SPTLC2: variants seen among roughly 807,000 people sequenced by gnomAD.
The protein encoded by SPTLC2 is serine palmitoyltransferase long chain base subunit 2.
SPTLC2 carries 21 observed loss-of-function variants against 62.0 expected under a neutral mutation model. That is an observed-to-expected ratio of 0.34 (90% CI 0.24 to 0.49). The LOEUF (loss-of-function observed/expected upper bound fraction) is 0.49. Ranked by LOEUF, SPTLC2 falls within the 20% of genes least tolerant of loss-of-function variation. The pLI, the probability that SPTLC2 is intolerant of heterozygous loss-of-function variation, is 0.99. For synonymous variants in SPTLC2, 261 were observed against 261.8 expected, an observed-to-expected ratio of 1.00 and a Z score of 0.03; for missense variants, 511 against 713.0, an observed-to-expected ratio of 0.72 and a Z score of 3.23.
Position 77,552,750 on chromosome 14 carries a change from G to T in SPTLC2, c.1177-528C>A, listed in dbSNP as rs536986629. Among the ~76,000 whole-genome samples the T allele has an allele frequency of 2.0e-5, 3 of 150,634 alleles. No homozygotes were observed. In the Admixed American group the frequency reaches 2.0e-4, roughly 10 times the overall value. ...GAACCTAGGAGACGGAGGTTGCAGTGAGCTGAGATTGCGCCATTGCACTCC... is the reference window on the plus strand; with the variant it reads ...GAACCTAGGAGACGGAGGTTGCAGTTAGCTGAGATTGCGCCATTGCACTCC... On this transcript the variant is annotated intron_variant, in intron 8 of 11. Coordinates refer to ENST00000216484, the MANE Select transcript of SPTLC2 (RefSeq NM_004863.4).
chr14:77,545,385 G>C (rs1036372947), intron 9 of SPTLC2, among the ~76,000 whole-genome samples: 7 of 151,746 alleles, frequency 4.6e-5, no homozygotes, highest in Non-Finnish European at 8.8e-5. Context: ...TCCTCCATCA[G>C]CCTCCCAAGT....
In SPTLC2 at chr14:77,608,867, G is replaced by A. The variant is rs143958544; in HGVS notation, c.132+7581C>T. On this transcript the variant is annotated intron_variant, in intron 1 of 11. Coordinates refer to ENST00000216484, the MANE Select transcript of SPTLC2 (RefSeq NM_004863.4). ...TTGGAGGCGGAGGTTGCAGTGAGCC[G>A]AGATCACATCACTGCACTCCAGCCT... Among the ~76,000 whole-genome samples the A allele has an allele frequency of 4.8e-3, 726 of 150,952 alleles. 9 individuals are homozygous for A. The highest frequency in any genetic ancestry group is 0.017 in the African/African-American group (692 of 41,090).
chr14:77,551,726 T>C (rs952095169), intron 9 of SPTLC2, among the ~76,000 whole-genome samples: 1 of 152,224 alleles, frequency 6.6e-6, no homozygotes, highest in Non-Finnish European at 1.5e-5. Flanking sequence ...GGAATACTAA[T>C]TTATGAAAAC....
At chr14:77,547,014 G>A (rs958033948) in intron 9 of SPTLC2, among the ~76,000 whole-genome samples, 1 of 152,118 alleles carries the variant, frequency 6.6e-6, no homozygotes, top group African/African-American at 2.4e-5. Flanking sequence ...ACAGGCATGC[G>A]CCACCACACC....
chr14:77,550,975 C>T (rs72683265), intron 9 of SPTLC2, among the ~76,000 whole-genome samples: 3,696 of 151,714 alleles, frequency 0.024, 66 homozygotes, highest in Non-Finnish European at 0.036. Flanking sequence ...TCAGATGTGC[C>T]ACTTTATTCG....
rs577485635 is a variant in SPTLC2 at position 77,572,743 on chromosome 14, T to C, written c.632-2235A>G. 2.0e-5 allele frequency among the ~76,000 whole-genome samples: 3 copies of C among 152,386 alleles called. No individual in the cohort carries two copies. In the East Asian group the frequency reaches 5.8e-4, roughly 29 times the overall value. The stretch of plus-strand genomic sequence containing the variant: ...ACTTGCTGAAGTTATCAGCATTCAC[T>C]GCTTCACCTTGCACTTTTATGTTGT... On this transcript the variant is annotated intron_variant, in intron 4 of 11. Transcript: ENST00000216484.
intron 1 of SPTLC2, among the ~76,000 whole-genome samples, chr14:77,613,038 G>C (rs1420172370): frequency 3.3e-5 from 5 of 150,634 alleles, no homozygotes; most frequent in Non-Finnish European, 7.4e-5. Context: ...CTTTTAAAAA[G>C]AGCTGTTAAC....
At chr14:77,601,386 AC>A (rs1406265113) in intron 1 of SPTLC2, among the ~76,000 whole-genome samples, 2 of 151,998 alleles carry the variant, frequency 1.3e-5, no homozygotes, top group Non-Finnish European at 2.9e-5. Flanking sequence ...TGTGAGATCC[AC>A]CCGCTGCCTG....
At chr14:77,591,369 T>C (rs1285338118) in intron 2 of SPTLC2, among the ~76,000 whole-genome samples, 1 of 152,196 alleles carries the variant, frequency 6.6e-6, no homozygotes, top group African/African-American at 2.4e-5. Context: ...TCATGGTTTC[T>C]TTTTCAGAAG....
At chr14:77,606,483 C>T (rs2079906174) in intron 1 of SPTLC2, among the ~76,000 whole-genome samples, 1 of 151,638 alleles carries the variant, frequency 6.6e-6, no homozygotes, top group Non-Finnish European at 1.5e-5. Flanking sequence ...CTTGATCATC[C>T]CTCCCTTTAA....
intron 9 of SPTLC2, among the ~76,000 whole-genome samples, chr14:77,539,194 T>C (rs1052368229): frequency 8.6e-5 from 13 of 152,038 alleles, no homozygotes; most frequent in African/African-American, 3.1e-4. Flanking sequence ...ACCTATAATA[T>C]TTTAAGGCCT....
intron 10 of SPTLC2, 35 bp downstream of exon 10, chr14:77,521,411 G>A (rs752983879): frequency 2.5e-6 from 4 of 1,613,590 alleles, no homozygotes; most frequent in Non-Finnish European, 3.4e-6. Context: ...ATAAGGATAA[G>A]GACAGACTGG....
chr14:77,607,219 G>T (rs1859573765), intron 1 of SPTLC2, among the ~76,000 whole-genome samples: 1 of 152,144 alleles, frequency 6.6e-6, no homozygotes, highest in African/African-American at 2.4e-5. Context: ...TCTTACAAAT[G>T]TTTCTCAAGC....
chr14:77,521,766 C>T (rs1176735436), intron 9 of SPTLC2, among the ~76,000 whole-genome samples, 185 bp from the exon 10 acceptor site: 1 of 152,074 alleles, frequency 6.6e-6, no homozygotes, highest in African/African-American at 2.4e-5. Context: ...ATTTTGTATT[C>T]TGTCATTCTA....
chr14:77,563,366 T>A (rs148719864), intron 5 of SPTLC2, among the ~76,000 whole-genome samples: 1 of 152,200 alleles, frequency 6.6e-6, no homozygotes, highest in African/African-American at 2.4e-5. Context: ...TGTCCTGCAG[T>A]TGGCCCTGTG....
rs780031244 is a variant in SPTLC2, at chr14:77,562,404, T to C, written c.842A>G (p.Lys281Arg). ...TTCTTCAGCAAACTCACTGTTGTGT[T>C]TGAAGATTCTAATGGTTGCTCCTGA... Reference protein sequence around the residue: ...RLSGATIRIFKHNNMQSLEKL... With the variant: ...RLSGATIRIFRHNNMQSLEKL... Residue 281 changes from lysine to arginine, a missense_variant, in exon 6 of 12, where the codon AAA becomes AGA. Coordinates refer to ENST00000216484, the MANE Select transcript of SPTLC2 (RefSeq NM_004863.4). The C allele has an allele frequency of 8.1e-6, 13 of 1,614,176 alleles. No individual in the cohort carries two copies. In the South Asian group the frequency reaches 1.1e-4, roughly 14 times the overall value.
At chr14:77,584,796 G>GACACACACACACAC (rs149917156) in intron 2 of SPTLC2, among the ~76,000 whole-genome samples, 1 of 151,648 alleles carries the variant, frequency 6.6e-6, no homozygotes, top group African/African-American at 2.4e-5. Context: ...AAGACACACA[G>GACACACACACACAC]ACACACACAC....
In SPTLC2 at chr14:77,562,509, G is replaced by A; in HGVS notation, c.757-20C>T. The A allele has an allele frequency of 6.2e-7, 1 of 1,602,876 alleles. No individual in the cohort carries two copies. The highest frequency in any genetic ancestry group is 8.5e-7 in the Non-Finnish European group (1 of 1,169,828). ...GCAACCCTGCAACATCACAGGAACAGAAAGGTAAGAAGCTGGAGGGGAAAG... is the reference window on the plus strand; with the variant it reads ...GCAACCCTGCAACATCACAGGAACAAAAAGGTAAGAAGCTGGAGGGGAAAG... On this transcript the variant is annotated intron_variant, in intron 5 of 11. Coordinates refer to ENST00000216484, the MANE Select transcript of SPTLC2 (RefSeq NM_004863.4).
intron 9 of SPTLC2, among the ~76,000 whole-genome samples, chr14:77,535,312 G>T (rs569048814): frequency 2.0e-5 from 3 of 152,336 alleles, no homozygotes; most frequent in South Asian, 4.1e-4. Context: ...CGAGTGAGGG[G>T]AAGAGTGGGA....
Sources: gnomAD v4.1 joint callset for allele counts (sites outside exome capture counted in the v4.1 genomes callset) on GRCh38, gnomAD v4.1.1 for gene constraint, MANE v1.5 for transcripts, NCBI Gene and HGNC (gene_info 2026-07-23, HGNC 2026-07-21) for gene names.